ACBD5: variants seen among roughly 807,000 people sequenced by gnomAD.
The protein encoded by ACBD5 is acyl-CoA-binding domain-containing protein 5.
In ACBD5, 40 loss-of-function variants were observed where a neutral mutation model predicts 71.8. That is an observed-to-expected ratio of 0.56 (90% CI 0.43 to 0.72). The LOEUF is 0.72. Ranked by LOEUF, ACBD5 falls within the 30% of genes least tolerant of loss-of-function variation. ACBD5 has a pLI of 0.00. For missense variants in ACBD5, 559 were observed against 644.5 expected, an observed-to-expected ratio of 0.87 and a Z score of 1.44; for synonymous variants, 229 against 218.6, an observed-to-expected ratio of 1.05 and a Z score of -0.42.
intron 3 of ACBD5, among the ~76,000 whole-genome samples, chr10:27,233,907 G>T (rs1220671744): frequency 4.6e-5 from 7 of 152,144 alleles, no homozygotes; most frequent in Admixed American, 1.3e-4. Flanking sequence ...AGCTAGGCGT[G>T]GTGGCGCATG....
At chr10:27,211,958 G>C (rs993002841) in intron 8 of ACBD5, among the ~76,000 whole-genome samples, 9 of 152,094 alleles carry the variant, frequency 5.9e-5, no homozygotes, top group African/African-American at 1.9e-4. Context: ...ATGTACAAGT[G>C]GGGGTGGGGG....
intron 11 of ACBD5, among the ~76,000 whole-genome samples, chr10:27,204,951 C>A (rs2060313437): frequency 6.6e-6 from 1 of 152,088 alleles, no homozygotes; most frequent in Non-Finnish European, 1.5e-5. Flanking sequence ...CATGGTGAAA[C>A]CCTGTCTCTA....
In ACBD5 at chr10:27,219,833, G is replaced by A; in HGVS notation, c.515C>T (p.Thr172Ile). The change falls in exon 6 of 13, where the codon ACT becomes ATT. Residue 172 changes from threonine to isoleucine, a missense_variant. Coordinates refer to ENST00000396271, the MANE Select transcript of ACBD5 (RefSeq NM_145698.5). Reference sequence around the variant, plus strand: ...ACCATTAACGGTTTTGGCGTTTGGAGTAGAAGTGAGAACATTACCAAGATC... The same window carrying A: ...ACCATTAACGGTTTTGGCGTTTGGAATAGAAGTGAGAACATTACCAAGATC... Reference protein sequence around the residue: ...TSDLGNVLTSTPNAKTVNGKA... With the variant: ...TSDLGNVLTSIPNAKTVNGKA... The A allele has an allele frequency of 6.2e-7, 1 of 1,613,994 alleles. No homozygotes were observed. Among genetic ancestry groups the A allele is most frequent in the South Asian group, 1.1e-5 (1 of 91,084 alleles).
chr10:27,231,895 T>C lies in ACBD5; in HGVS notation c.303-75A>G, dbSNP rs527946033. On this transcript the variant is annotated intron_variant, in intron 3 of 12. Coordinates refer to ENST00000396271, the MANE Select transcript of ACBD5 (RefSeq NM_145698.5). ...TGCTCAGAATACAATTTATAGTTGATGCTATAGGGTTACTAATTAAAACAG... is the reference window on the plus strand; with the variant it reads ...TGCTCAGAATACAATTTATAGTTGACGCTATAGGGTTACTAATTAAAACAG... 2.1e-4 allele frequency: 280 copies of C among 1,359,042 alleles called. 6 individuals carry two copies. In the South Asian group the frequency reaches 2.9e-3, roughly 14 times the overall value. The allele number at this position is 1,359,042 out of a possible 1,614,324, so 84.2% of individuals were successfully genotyped here.
chr10:27,219,060 G>T (rs1167305857), intron 6 of ACBD5, among the ~76,000 whole-genome samples: 2 of 152,044 alleles, frequency 1.3e-5, no homozygotes, highest in Non-Finnish European at 2.9e-5. Context: ...CCAGAACTTT[G>T]GGAGGCCGAG....
intron 5 of ACBD5, chr10:27,223,111 C>T (rs2062563368): frequency 1.4e-6 from 1 of 693,176 alleles, no homozygotes; most frequent in East Asian, 2.7e-5. Flanking sequence ...AATGAAAACT[C>T]CTGGGTGACA....
chr10:27,186,536 G>A (rs1588837795), intron 13 of ACBD5: 1 of 1,613,818 alleles, frequency 6.2e-7, no homozygotes, highest in South Asian at 1.1e-5. Context: ...TTAGTCTGTA[G>A]CACAAAAATT....
At chr10:27,236,516 C>T (rs2064718647) in intron 2 of ACBD5, among the ~76,000 whole-genome samples, 1 of 151,996 alleles carries the variant, frequency 6.6e-6, no homozygotes, top group Admixed American at 6.6e-5. Context: ...GTGTATATTA[C>T]CTTTATAACA....
intron 7 of ACBD5, among the ~76,000 whole-genome samples, chr10:27,217,037 T>G (rs1351816487): frequency 6.7e-6 from 1 of 148,246 alleles, no homozygotes; most frequent in Non-Finnish European, 1.5e-5. Context: ...TCCCAGCTAC[T>G]CGGGAGGCTG....
At chr10:27,219,584 C>T (rs2062081842) in intron 6 of ACBD5, 139 bp downstream of exon 6, 5 of 1,160,738 alleles carry the variant, frequency 4.3e-6, no homozygotes, top group Non-Finnish European at 6.3e-6. Context: ...TTTTGGTCCA[C>T]AGCAAACTTG....
upstream of ACBD5, among the ~76,000 whole-genome samples, chr10:27,241,047 G>A (rs1564749899): frequency 6.6e-6 from 1 of 152,224 alleles, no homozygotes; most frequent in Non-Finnish European, 1.5e-5. Flanking sequence ...CCGGACCGAT[G>A]TGTCCGCTCT....
chr10:27,184,627 C>G (rs1384544546), intron 13 of ACBD5, among the ~76,000 whole-genome samples: 1 of 119,648 alleles, frequency 8.4e-6, no homozygotes, highest in African/African-American at 3.2e-5. Context: ...GTGGCATGAT[C>G]TCGGCTCACT....
intron 8 of ACBD5, 141 bp from the exon 9 acceptor site, chr10:27,211,222 GT>G (rs771023708): frequency 2.3e-4 from 207 of 909,400 alleles, no homozygotes; most frequent in Non-Finnish European, 3.3e-4. Context: ...TCTAAAAAAT[GT>G]CTTCAATTCA....
At chr10:27,222,619 G>A (rs561259358) in intron 5 of ACBD5, among the ~76,000 whole-genome samples, 11 of 152,018 alleles carry the variant, frequency 7.2e-5, no homozygotes, top group South Asian at 6.2e-4. Flanking sequence ...TGCTCAGGCC[G>A]GAGTGCAGCA....
intron 13 of ACBD5, among the ~76,000 whole-genome samples, chr10:27,188,234 A>G (rs1272192119): frequency 6.6e-6 from 1 of 152,222 alleles, no homozygotes; most frequent in Non-Finnish European, 1.5e-5. Context: ...ACTTCTAGTA[A>G]AATGTTCAAA....
intron 10 of ACBD5, among the ~76,000 whole-genome samples, chr10:27,207,078 C>A (rs2136919845): frequency 6.6e-6 from 1 of 151,714 alleles, no homozygotes; most frequent in South Asian, 2.1e-4. Context: ...GAGATCAAGA[C>A]CACCCTGGCC....
In ACBD5 at chr10:27,223,368, T is replaced by C. The variant is rs569494816; in HGVS notation, c.460A>G (p.Lys154Glu). 497 of 1,613,930 alleles carry C rather than the reference T, an allele frequency of 3.1e-4. 8 individuals are homozygous for C. The South Asian group carries it at 5.2e-3, about 17-fold the overall frequency. ...GPFYEIVEDK[K>E]SGRSSDITSD... ...GTTATATCAGAACTCCTGCCACTCT[T>C]TTTGTCCTCGACAATTTCATAAAAT... The change falls in exon 5 of 13, where the codon AAG (lysine) becomes GAG (glutamate). Residue 154 changes from lysine to glutamate, a missense_variant. Coordinates refer to ENST00000396271, the MANE Select transcript of ACBD5 (RefSeq NM_145698.5).
In ACBD5 at chr10:27,197,333, A is replaced by G. The variant is rs948353396; in HGVS notation, c.*97T>C. 1 of 1,182,590 alleles carries G rather than the reference A, an allele frequency of 8.5e-7. No individual in the cohort carries two copies. The highest frequency in any genetic ancestry group is 1.3e-6 in the Non-Finnish European group (1 of 798,684). 73.3% of individuals were successfully genotyped at this position (1,182,590 alleles called of 1,614,324 possible). A position where few individuals can be genotyped will look rare whatever the true frequency, so the allele number is the denominator to read the frequency against. ...CTACTGGACAACAAAAAGCAATGTA[A>G]TCATCACAAACTAAGATTTTCTTGT... On this transcript the variant is annotated 3_prime_UTR_variant, in exon 13 of 13. Coordinates refer to ENST00000396271, the MANE Select transcript of ACBD5 (RefSeq NM_145698.5).
intron 2 of ACBD5, among the ~76,000 whole-genome samples, chr10:27,239,327 A>G (rs2770201): frequency 0.78 from 118,083 of 152,230 alleles, 46,056 homozygotes; most frequent in African/African-American, 0.86. Flanking sequence ...CAAAAACTTC[A>G]CATTGGTCTA....
Sources: allele counts gnomAD v4.1 joint callset (sites outside exome capture counted in the v4.1 genomes callset), GRCh38; gene constraint gnomAD v4.1.1; transcripts MANE v1.5; gene names NCBI Gene and HGNC (gene_info 2026-07-23, HGNC 2026-07-21).